The following PDE1A variants were observed in gnomAD, a reference collection of about 807,000 sequenced individuals.
The protein encoded by PDE1A is phosphodiesterase 1A.
Under a neutral mutation model 61.7 loss-of-function variants are expected in PDE1A, and 35 were observed. The observed-to-expected ratio is 0.57, with a 90% CI of 0.43 to 0.75. The LOEUF is 0.75. Ranked by LOEUF, PDE1A falls within the 30% of genes least tolerant of loss-of-function variation. The pLI is 0.00. For missense variants in PDE1A, 597 were observed against 630.6 expected (o/e 0.95, Z 0.57); for synonymous variants, 232 against 213.2 (o/e 1.09, Z -0.77).
the PDE1A span, among the ~76,000 whole-genome samples, chr2:182,639,468 C>T: frequency 6.6e-6 from 1 of 151,766 alleles, no homozygotes; most frequent in Non-Finnish European, 1.5e-5. Context: ...CTCAGGAGGT[C>T]GAGGCAGGAG....
At chr2:182,291,380 T>A (rs1694522180) in intron 1 of PDE1A, among the ~76,000 whole-genome samples, 1 of 152,220 alleles carries the variant, frequency 6.6e-6, no homozygotes, top group Non-Finnish European at 1.5e-5. Context: ...CTTTGTGAGA[T>A]CCTTCATGAC....
the PDE1A span, among the ~76,000 whole-genome samples, chr2:182,646,554 A>G: frequency 2.0e-4 from 31 of 151,774 alleles, no homozygotes; most frequent in Non-Finnish European, 3.7e-4. Context: ...GCATGGTGGC[A>G]GGCGCCTGTA....
the PDE1A span, among the ~76,000 whole-genome samples, chr2:182,656,676 A>G: frequency 6.6e-6 from 1 of 152,238 alleles, no homozygotes; most frequent in African/African-American, 2.4e-5. Context: ...AATTCAAATA[A>G]TCATTAAACT....
chr2:182,255,343 T>G (rs1691696414), intron 2 of PDE1A, among the ~76,000 whole-genome samples: 1 of 152,198 alleles, frequency 6.6e-6, no homozygotes, highest in African/African-American at 2.4e-5. Flanking sequence ...TTTCTCTTTT[T>G]CCTCTCTCTT....
chr2:182,637,052 C>T, the PDE1A span, among the ~76,000 whole-genome samples: 1 of 152,190 alleles, frequency 6.6e-6, no homozygotes, highest in African/African-American at 2.4e-5. Flanking sequence ...CTTTTAAAGG[C>T]TCATGTAATT....
intron 1 of PDE1A, among the ~76,000 whole-genome samples, chr2:182,325,270 G>T (rs1011064884): frequency 6.6e-6 from 1 of 152,064 alleles, no homozygotes; most frequent in Non-Finnish European, 1.5e-5. Context: ...CACTAAATGT[G>T]ACTAAAAAGC....
chr2:182,577,548 A>T, the PDE1A span, among the ~76,000 whole-genome samples: 1 of 152,214 alleles, frequency 6.6e-6, no homozygotes, highest in Non-Finnish European at 1.5e-5. Context: ...CACTGTTTAG[A>T]ATAACTAAAG....
intron 1 of PDE1A, among the ~76,000 whole-genome samples, chr2:182,413,308 C>A (rs1263693898): frequency 6.6e-6 from 1 of 152,082 alleles, no homozygotes; most frequent in African/African-American, 2.4e-5. Context: ...ACTTGAGAAC[C>A]AAGGAACTGT....
At chr2:182,698,669 T>C in the PDE1A span, among the ~76,000 whole-genome samples, 1 of 152,230 alleles carries the variant, frequency 6.6e-6, no homozygotes, top group African/African-American at 2.4e-5. Context: ...AGTAATTATA[T>C]TAGCGTGGCA....
chr2:182,392,309 A>T (rs746697807), intron 1 of PDE1A, among the ~76,000 whole-genome samples: 4 of 152,194 alleles, frequency 2.6e-5, no homozygotes, highest in Non-Finnish European at 5.9e-5. Flanking sequence ...CCCTCTATAA[A>T]ACCATCAGAT....
intron 1 of PDE1A, among the ~76,000 whole-genome samples, chr2:182,386,952 A>C (rs935743728): frequency 3.3e-5 from 5 of 152,252 alleles, no homozygotes; most frequent in African/African-American, 4.8e-5. Flanking sequence ...GGCCATGATG[A>C]CGACGGCGGT....
At chr2:182,464,329 T>TA (rs1686511470) in intron 2 of PDE1A, among the ~76,000 whole-genome samples, 1 of 152,064 alleles carries the variant, frequency 6.6e-6, no homozygotes, top group Admixed American at 6.6e-5. Context: ...ATAAGGCAAA[T>TA]ACCCTATTCC....
the PDE1A span, among the ~76,000 whole-genome samples, chr2:182,648,041 A>C: frequency 6.6e-6 from 1 of 152,174 alleles, no homozygotes. Flanking sequence ...AACTGACTAG[A>C]ACACTTGTTT....
the PDE1A span, among the ~76,000 whole-genome samples, chr2:182,587,585 G>T: frequency 6.6e-6 from 1 of 152,110 alleles, no homozygotes; most frequent in African/African-American, 2.4e-5. Flanking sequence ...CACTAACTAA[G>T]AATTAGTTCT....
At chr2:182,377,632 C>T (rs552824494) in intron 1 of PDE1A, among the ~76,000 whole-genome samples, 59 of 152,246 alleles carry the variant, frequency 3.9e-4, no homozygotes, top group Middle Eastern at 6.8e-3. Context: ...GGCAGTTTTT[C>T]ATAAAGCTAA....
At chr2:182,171,664 T>C (rs1186539756) in intron 13 of PDE1A, among the ~76,000 whole-genome samples, 1 of 151,502 alleles carries the variant, frequency 6.6e-6, no homozygotes, top group African/African-American at 2.4e-5. Flanking sequence ...CGGGGCTAAT[T>C]ATTGGGGGTA....
intron 1 of PDE1A, among the ~76,000 whole-genome samples, chr2:182,421,642 T>C (rs1363445330): frequency 6.6e-6 from 1 of 152,196 alleles, no homozygotes; most frequent in African/African-American, 2.4e-5. Flanking sequence ...TATTAAAATG[T>C]ATAACAAATC....
chr2:182,507,250 C>A (rs955907688), intron 2 of PDE1A, among the ~76,000 whole-genome samples: 12 of 152,044 alleles, frequency 7.9e-5, no homozygotes, highest in African/African-American at 2.9e-4. Context: ...AATTCAGAAG[C>A]TAAGAGATCA....
intron 13 of PDE1A, among the ~76,000 whole-genome samples, chr2:182,183,690 C>A (rs555285627): frequency 6.1e-5 from 9 of 148,050 alleles, no homozygotes; most frequent in Non-Finnish European, 8.9e-5. Flanking sequence ...AAATTGATTT[C>A]AAAAAATTCA....
Sources: gnomAD v4.1 joint callset for allele counts (sites outside exome capture counted in the v4.1 genomes callset) on GRCh38, gnomAD v4.1.1 for gene constraint, MANE v1.5 for transcripts, NCBI Gene and HGNC (gene_info 2026-07-23, HGNC 2026-07-21) for gene names.